CUL9: variants seen among roughly 807,000 people sequenced by gnomAD.
CUL9 encodes the protein cullin-9.
Under a neutral mutation model 272.6 loss-of-function variants are expected in CUL9, and 79 were observed. The ratio of observed to expected loss-of-function variants is 0.29; its 90% CI spans 0.24 to 0.35. The LOEUF (loss-of-function observed/expected upper bound fraction) is 0.35. CUL9 is among the 10% of genes least tolerant of loss of function. CUL9 has a pLI of 1.00. For missense variants in CUL9, 2,532 were observed against 3,255.6 expected (o/e 0.78, Z 5.41); for synonymous variants, 1,186 against 1,286.5 (o/e 0.92, Z 1.67).
intron 35 of CUL9, 61 bp from the exon 36 acceptor site, chr6:43,222,254 CT>C (rs1249495541): frequency 2.9e-6 from 4 of 1,392,760 alleles, no homozygotes; most frequent in East Asian, 4.6e-5. Context: ...GGCTTTTCCA[CT>C]TATTAACTCC....
At position 43,220,571 on chromosome 6, in the gene CUL9, T is replaced by C; in HGVS notation, c.6395T>C (p.Ile2132Thr). 1.9e-6 allele frequency: 3 copies of C among 1,614,078 alleles called. No individual in the cohort carries two copies. The highest frequency in any genetic ancestry group is 1.7e-6 in the Non-Finnish European group (2 of 1,179,990). The change falls in exon 32 of 41, where the codon ATC (isoleucine) becomes ACC (threonine). Residue 2132 changes from isoleucine (I) to threonine (T), a missense_variant. Ile to Thr is a moderately conservative substitution (Grantham distance 89, BLOSUM62 -1). Around this residue, in one of 3 missense-constraint regions of CUL9, gnomAD observed 2,218 missense variants for 2,788.6 expected, o/e 0.80. Coordinates refer to ENST00000252050, the MANE Select transcript of CUL9 (RefSeq NM_015089.4). This position sits in a 1 kb window ranked among gnomAD's most constrained non-coding sequence, Gnocchi z 4.9. ...AQPTGAFIRA[I>T]VSSPEVISKY... ...CCCACCGGAGCCTTCATTCGTGCCATCGTCTCCTCGCCAGAGGTCATCTCC... is the reference window on the plus strand; with the variant it reads ...CCCACCGGAGCCTTCATTCGTGCCACCGTCTCCTCGCCAGAGGTCATCTCC...
chr6:43,208,331 G>A lies in CUL9; in HGVS notation c.5212+1821G>A, dbSNP rs150406021. On this transcript the variant is annotated intron_variant, in intron 26 of 40. Transcript: ENST00000252050. ...ATTCTCCTGCCTCACTCAGCCTCCC[G>A]ATTAGCTGGGATTACAGGTGTGCAC... Among the ~76,000 whole-genome samples, 604 of 152,150 alleles carry A rather than the reference G, an allele frequency of 4.0e-3. 5 individuals are homozygous for A. The highest frequency in any genetic ancestry group is 0.013 in the African/African-American group (553 of 41,504).
At chr6:43,212,441 A>G (rs1775588735) in intron 26 of CUL9, among the ~76,000 whole-genome samples, 1 of 151,208 alleles carries the variant, frequency 6.6e-6, no homozygotes, top group Non-Finnish European at 1.5e-5. Flanking sequence ...TTCAAGAGAA[A>G]CCCTTTCACT....
intron 26 of CUL9, among the ~76,000 whole-genome samples, chr6:43,209,182 G>A (rs1348199092): frequency 7.2e-6 from 1 of 138,910 alleles, no homozygotes; most frequent in Non-Finnish European, 1.5e-5. Flanking sequence ...GTCTCACTGT[G>A]TCGCCCAGGC....
At position 43,204,928 on chromosome 6, in the gene CUL9, C is replaced by T. The variant is rs1774930304; in HGVS notation, c.4450-5C>T. 6.2e-7 allele frequency: 1 copy of T among 1,608,414 alleles called. No homozygotes were observed. The highest frequency in any genetic ancestry group is 1.7e-5 in the Admixed American group (1 of 59,600). ...TTTTATGTCATTTCTTGCCTTTCTC[C>T]TCAGGTCAGCAGATTCCTGGCTGCA... On this transcript the variant is annotated splice_region_variant and splice_polypyrimidine_tract_variant and intron_variant, in intron 22 of 40. Coordinates refer to ENST00000252050, the MANE Select transcript of CUL9 (RefSeq NM_015089.4).
chr6:43,191,396 C>CCTCAAA (rs1401586527), intron 8 of CUL9, among the ~76,000 whole-genome samples: 12 of 150,020 alleles, frequency 8.0e-5, no homozygotes, highest in Non-Finnish European at 1.6e-4. Context: ...CTCACTACAG[C>CCTCAAA]CTCAAACTCT....
chr6:43,184,845 G>A lies in CUL9; in HGVS notation c.535G>A (p.Glu179Lys). The A allele has an allele frequency of 3.1e-6, 5 of 1,609,942 alleles. No individual in the cohort carries two copies. Among genetic ancestry groups the A allele is most frequent in the Non-Finnish European group, 3.4e-6 (4 of 1,179,678 alleles). Reference sequence around the variant, plus strand: ...GCTCATGCACATGTTATGCAATCCTGAGCCTCAGATCCGCCGGAGTGCAGG... The same window carrying A: ...GCTCATGCACATGTTATGCAATCCTAAGCCTCAGATCCGCCGGAGTGCAGG... Reference protein sequence around the residue: ...DLLMHMLCNPEPQIRRSAGKM... With the variant: ...DLLMHMLCNPKPQIRRSAGKM... Residue 179 changes from glutamate (E) to lysine (K), a missense_variant, in exon 2 of 41, where the codon GAG becomes AAG. By Grantham distance (56) the Glu-to-Lys change is moderately conservative. This residue lies in a region of CUL9 where 2,218 missense variants were observed against 2,788.6 expected (regional missense o/e 0.80). Transcript: ENST00000252050. This position sits in a 1 kb window ranked among gnomAD's most constrained non-coding sequence, Gnocchi z 4.8.
chr6:43,191,252 T>TTTTGTGTGTGTG (rs773987863), intron 8 of CUL9, among the ~76,000 whole-genome samples: 7 of 127,026 alleles, frequency 5.5e-5, no homozygotes, highest in African/African-American at 2.2e-4. Context: ...CTAAATTGCA[T>TTTTGTGTGTGTG]TGTGTGTGTG....
chr6:43,194,435 C>A (rs1773815672), intron 9 of CUL9, among the ~76,000 whole-genome samples: 1 of 152,044 alleles, frequency 6.6e-6, no homozygotes, highest in Admixed American at 6.6e-5. Context: ...TCTCCCGCCT[C>A]AGCCTCCCGA....
In CUL9 at chr6:43,200,124, C is replaced by T; in HGVS notation, c.3352C>T (p.Leu1118Phe). 5 of 1,614,168 alleles carry T rather than the reference C, an allele frequency of 3.1e-6. No individual in the cohort carries two copies. Among genetic ancestry groups the T allele is most frequent in the Middle Eastern group, 1.7e-4 (1 of 6,060 alleles). The change falls in exon 14 of 41, where the codon CTC (leucine) becomes TTC (phenylalanine). Residue 1118 changes from leucine to phenylalanine, a missense_variant. Around this residue, in one of 3 missense-constraint regions of CUL9, gnomAD observed 2,218 missense variants for 2,788.6 expected, o/e 0.80. Coordinates refer to ENST00000252050, the MANE Select transcript of CUL9 (RefSeq NM_015089.4). This position sits in a 1 kb window ranked among gnomAD's most constrained non-coding sequence, Gnocchi z 4.0. ...CEKYAQLYSN[L>F]TSSILAGCIQ... ...GAAGTACGCACAGCTCTATAGCAAC[C>T]TCACCTCCAGCATCCTGGCCGGCTG...
At position 43,184,320 on chromosome 6, in the gene CUL9, G is replaced by C; in HGVS notation, c.10G>C (p.Glu4Gln). 6.6e-7 allele frequency: 1 copy of C among 1,518,190 alleles called. No homozygotes were observed. The highest frequency in any genetic ancestry group is 8.9e-7 in the Non-Finnish European group (1 of 1,128,632). 94.0% of individuals were successfully genotyped at this position (1,518,190 alleles called of 1,614,324 possible). The part of the protein sequence containing the change: MVG[E>Q]RHAGDLMVPL... ...ATCCCAGGAGGTCAGGATGGTGGGG[G>C]AACGGCATGCTGGGGACCTCATGGT... Residue 4 changes from glutamate (E) to glutamine (Q), a missense_variant, in exon 2 of 41, where the codon GAA becomes CAA. Glu to Gln is a conservative substitution (Grantham distance 29). Around this residue, in one of 3 missense-constraint regions of CUL9, gnomAD observed 2,218 missense variants for 2,788.6 expected, o/e 0.80. Coordinates refer to ENST00000252050, the MANE Select transcript of CUL9 (RefSeq NM_015089.4). The surrounding 1 kb of genome is among the most constrained non-coding windows in gnomAD (Gnocchi z 4.8).
chr6:43,194,084 A>G (rs1018904816), intron 9 of CUL9, among the ~76,000 whole-genome samples: 2 of 152,124 alleles, frequency 1.3e-5, no homozygotes, highest in African/African-American at 4.8e-5. Flanking sequence ...GTTACTCCAG[A>G]CAGAAGTGCT....
chr6:43,192,744 A>C (rs564010066), intron 8 of CUL9, among the ~76,000 whole-genome samples: 2 of 152,338 alleles, frequency 1.3e-5, no homozygotes, highest in African/African-American at 4.8e-5. Flanking sequence ...TTATAGATTT[A>C]TTTGAAAAGG....
intron 26 of CUL9, among the ~76,000 whole-genome samples, chr6:43,209,123 T>G (rs907194740): frequency 1.0e-4 from 15 of 149,736 alleles, no homozygotes; most frequent in Non-Finnish European, 1.6e-4. Context: ...AGCCTCCATA[T>G]TCTAATTTTT....
chr6:43,211,952 T>C (rs1228055390), intron 26 of CUL9, among the ~76,000 whole-genome samples: 1 of 152,248 alleles, frequency 6.6e-6, no homozygotes, highest in Admixed American at 6.5e-5. Context: ...GGTCCACGCA[T>C]TGCATTTGGT....
chr6:43,196,931 T>G, intron 11 of CUL9, 69 bp downstream of exon 11: 6 of 1,294,724 alleles, frequency 4.6e-6, no homozygotes, highest in Non-Finnish European at 6.6e-6. Flanking sequence ...TATCAGCTCC[T>G]TACTGGAAAG....
Position 43,223,490 on chromosome 6 carries a change from GAA to G in CUL9, c.7284+94_7284+95del. The G allele has an allele frequency of 6.8e-7, 1 of 1,467,798 alleles. No individual in the cohort carries two copies. The highest frequency in any genetic ancestry group is 1.4e-5 in the African/African-American group (1 of 71,260). The allele number at this position is 1,467,798 out of a possible 1,614,324, so 90.9% of individuals were successfully genotyped here. On this transcript the variant is annotated intron_variant, in intron 39 of 40. Transcript: ENST00000252050. This position sits in a 1 kb window ranked among gnomAD's most constrained non-coding sequence, Gnocchi z 4.1. ...CAGCCCCTGCCCTGGGGCGAGTCCAGAAGGAAAGGCAGCAAAGCGGGTGAATG... is the reference window on the plus strand; with the variant it reads ...CAGCCCCTGCCCTGGGGCGAGTCCAGGGAAAGGCAGCAAAGCGGGTGAATG...
Position 43,187,913 on chromosome 6 carries a change from A to T in CUL9, c.1782A>T (p.Pro594=). The T allele has an allele frequency of 1.2e-6, 2 of 1,614,128 alleles. No homozygotes were observed. Among genetic ancestry groups the T allele is most frequent in the Non-Finnish European group, 1.7e-6 (2 of 1,180,028 alleles). Residue 594 remains proline (P), a synonymous_variant, in exon 7 of 41, where the codon CCA becomes CCT. Coordinates refer to ENST00000252050, the MANE Select transcript of CUL9 (RefSeq NM_015089.4). ...GAAATCACTCCTGTACCCCAGATCC[A>T]GAAGAGGAGTCCAAGTCGGAGGCCA... is the stretch of plus-strand genomic sequence containing the variant. ...TSRNHSCTPD[P]EEESKSEASF...
intron 31 of CUL9, among the ~76,000 whole-genome samples, chr6:43,219,178 G>T (rs896248163): frequency 1.3e-5 from 2 of 151,702 alleles, no homozygotes; most frequent in African/African-American, 4.8e-5. Context: ...GACAAAGCGA[G>T]ACTTTGTTTA....
Sources: gnomAD v4.1 joint callset for allele counts (sites outside exome capture counted in the v4.1 genomes callset) on GRCh38, gnomAD v4.1.1 for gene constraint, gnomAD v4.1.1 regional missense constraint, Gnocchi (gnomAD v3.1) non-coding constraint, MANE v1.5 for transcripts, NCBI Gene and HGNC (gene_info 2026-07-23, HGNC 2026-07-21) for gene names.